The following LY6S variants were observed in gnomAD, a reference collection of about 807,000 sequenced individuals.
The protein encoded by LY6S is lymphocyte antigen 6S.
At chr8:143,057,672 T>G in the LY6S span, 10 of 878,904 alleles carry the variant, frequency 1.1e-5, no homozygotes, top group East Asian at 2.4e-4. Context: ...ACTCAGCCGC[T>G]GGCGGGATGA....
the LY6S span, among the ~76,000 whole-genome samples, chr8:143,070,286 C>T: frequency 2.0e-5 from 3 of 148,660 alleles, no homozygotes; most frequent in South Asian, 4.3e-4. Context: ...TCTGAGGTAG[C>T]GGGAGTGAGG....
At chr8:143,051,489 C>A in the LY6S span, among the ~76,000 whole-genome samples, 2 of 151,620 alleles carry the variant, frequency 1.3e-5, no homozygotes, top group African/African-American at 4.9e-5. Context: ...TGCAGCGACC[C>A]AAGATCGCAC....
the LY6S span, among the ~76,000 whole-genome samples, chr8:143,044,473 C>G: frequency 1.3e-5 from 2 of 152,110 alleles, no homozygotes; most frequent in African/African-American, 4.8e-5. Context: ...TTTGGTGGCC[C>G]AGGCTCCTCA....
chr8:143,072,271 C>T, the LY6S span, among the ~76,000 whole-genome samples: 4 of 144,214 alleles, frequency 2.8e-5, no homozygotes, highest in East Asian at 2.1e-4. Context: ...AGACAGCCGT[C>T]GTCCCCGGGG....
the LY6S span, among the ~76,000 whole-genome samples, chr8:143,070,464 AATATATATATAAATATATATATATATTTT>A: frequency 2.9e-5 from 1 of 34,214 alleles, no homozygotes; most frequent in Non-Finnish European, 5.2e-5. Flanking sequence ...ATATATATAT[AATATATATATAAATATATATATATATTTT>A]TTTTTTTTTT....
the LY6S span, chr8:143,057,193 CG>C: frequency 3.1e-6 from 1 of 325,344 alleles, no homozygotes. Flanking sequence ...GGTAATATTC[CG>C]GGACTGGCTT....
the LY6S span, chr8:143,054,303 CAAAAAAAAAAAAAA>C: frequency 3.1e-5 from 2 of 64,742 alleles, no homozygotes; most frequent in African/African-American, 5.5e-5. Context: ...CACTCCATCC[CAAAAAAAAAAAAAA>C]AAAAAAAAAG....
At chr8:143,064,906 G>A in the LY6S span, among the ~76,000 whole-genome samples, 1 of 152,196 alleles carries the variant, frequency 6.6e-6, no homozygotes, top group Non-Finnish European at 1.5e-5. Flanking sequence ...TAGCTCATCT[G>A]CAGTGAGCAT....
the LY6S span, among the ~76,000 whole-genome samples, chr8:143,046,315 C>A: frequency 3.3e-5 from 5 of 152,232 alleles, no homozygotes; most frequent in East Asian, 9.7e-4. Context: ...CGGTGGCTCA[C>A]GCCTGTGATC....
At chr8:143,045,433 C>T in the LY6S span, among the ~76,000 whole-genome samples, 1 of 152,164 alleles carries the variant, frequency 6.6e-6, no homozygotes, top group East Asian at 1.9e-4. This position sits in a 1 kb window ranked among gnomAD's most constrained non-coding sequence, Gnocchi z 5.3. Flanking sequence ...CGAATGAGTC[C>T]TGCACAGCAG....
At chr8:143,060,644 C>T in the LY6S span, among the ~76,000 whole-genome samples, 13 of 152,294 alleles carry the variant, frequency 8.5e-5, no homozygotes, top group East Asian at 3.9e-4. Context: ...AATAACGGCA[C>T]GGCCAGGCAT....
At chr8:143,073,431 C>T in the LY6S span, among the ~76,000 whole-genome samples, 1 of 147,968 alleles carries the variant, frequency 6.8e-6, no homozygotes, top group Non-Finnish European at 1.5e-5. Flanking sequence ...AGCCGTCGTC[C>T]TCGGGGTTCC....
At chr8:143,047,144 G>GAT in the LY6S span, among the ~76,000 whole-genome samples, 1 of 86,986 alleles carries the variant, frequency 1.1e-5, no homozygotes, top group Non-Finnish European at 2.3e-5. Context: ...GTAGGGGCTT[G>GAT]ATTTTTTTTT....
the LY6S span, chr8:143,057,490 C>T: frequency 3.2e-5 from 22 of 679,176 alleles, no homozygotes; most frequent in Admixed American, 1.2e-4. Context: ...CCTTGTGATC[C>T]GCCCGCCCCG....
chr8:143,072,757 G>A, the LY6S span, among the ~76,000 whole-genome samples: 1 of 102,642 alleles, frequency 9.7e-6, no homozygotes, highest in Non-Finnish European at 1.9e-5. Context: ...CGTCCTCGGG[G>A]TTCCTGTTTG....
chr8:143,048,470 CTTTTT>C, the LY6S span, among the ~76,000 whole-genome samples: 60,809 of 124,728 alleles, frequency 0.49, 15,912 homozygotes, highest in South Asian at 0.62. Flanking sequence ...ACAAAATTTT[CTTTTT>C]TTTTTTTTTT....
the LY6S span, among the ~76,000 whole-genome samples, chr8:143,058,625 C>A: frequency 6.6e-6 from 1 of 152,248 alleles, no homozygotes; most frequent in Non-Finnish European, 1.5e-5. Flanking sequence ...CTCCGGATAA[C>A]TGCGGGCCGG....
At chr8:143,058,775 G>C in the LY6S span, among the ~76,000 whole-genome samples, 1 of 112,386 alleles carries the variant, frequency 8.9e-6, no homozygotes, top group Non-Finnish European at 2.0e-5. Flanking sequence ...GCTAGACCTC[G>C]GTCCGCCTGG....
chr8:143,042,882 T>A, the LY6S span: 1 of 601,452 alleles, frequency 1.7e-6, no homozygotes, highest in Non-Finnish European at 2.8e-6. Flanking sequence ...AAAAAAGTGG[T>A]GTTGTTGGGG....
Sources: gnomAD v4.1 joint callset for allele counts (sites outside exome capture counted in the v4.1 genomes callset) on GRCh38, gnomAD v4.1.1 for gene constraint, Gnocchi (gnomAD v3.1) non-coding constraint, MANE v1.5 for transcripts, NCBI Gene and HGNC (gene_info 2026-07-23, HGNC 2026-07-21) for gene names.